NCAM2: variants seen among roughly 807,000 people sequenced by gnomAD.
NCAM2 encodes the protein N-CAM-2.
In NCAM2, 30 loss-of-function variants were observed where a neutral mutation model predicts 98.1. The observed-to-expected ratio is 0.31, with a 90% confidence interval of 0.23 to 0.41. NCAM2 has a LOEUF of 0.41. Among genes scored for constraint, NCAM2 ranks in the 10% least tolerant of loss-of-function variants. The probability of loss-of-function intolerance (pLI) is 1.00; values close to 1 mark genes in which losing one functional copy is unlikely to be tolerated. For synonymous variants in NCAM2, 368 were observed against 342.4 expected, an observed-to-expected ratio of 1.07 and a Z score of -0.83; for missense variants, 867 against 1,005.8, an observed-to-expected ratio of 0.86 and a Z score of 1.87.
At chr21:21,271,945 A>G (rs1023429048) in intron 1 of NCAM2, among the ~76,000 whole-genome samples, 1 of 152,170 alleles carries the variant, frequency 6.6e-6, no homozygotes, top group South Asian at 2.1e-4. Flanking sequence ...CCTCATGTAA[A>G]TGATGAGTTA....
chr21:21,515,282 G>A (rs1602539085), intron 16 of NCAM2, among the ~76,000 whole-genome samples: 1 of 152,066 alleles, frequency 6.6e-6, no homozygotes, highest in Admixed American at 6.6e-5. Flanking sequence ...GTCCAAAGAG[G>A]GCTATTCATG....
chr21:21,523,587 A>G (rs1989153878), intron 16 of NCAM2, among the ~76,000 whole-genome samples: 1 of 152,026 alleles, frequency 6.6e-6, no homozygotes, highest in South Asian at 2.1e-4. Flanking sequence ...ATTGTATTAT[A>G]TTATGTGTAT....
chr21:21,287,582 A>G (rs2073146295), intron 4 of NCAM2, among the ~76,000 whole-genome samples: 2 of 151,954 alleles, frequency 1.3e-5, no homozygotes, highest in South Asian at 4.1e-4. Flanking sequence ...GACAATGTCT[A>G]AATATTTTCA....
chr21:21,535,200 T>C (rs1047941791), intron 17 of NCAM2, among the ~76,000 whole-genome samples: 8 of 152,104 alleles, frequency 5.3e-5, no homozygotes. Flanking sequence ...AATAGCTCTG[T>C]TAAAACTATA....
chr21:21,376,659 C>G (rs188876201), intron 9 of NCAM2, among the ~76,000 whole-genome samples: 2 of 151,554 alleles, frequency 1.3e-5, no homozygotes, highest in Non-Finnish European at 3.0e-5. Flanking sequence ...AACTTTAATA[C>G]GAAAAAAGTA....
intron 9 of NCAM2, among the ~76,000 whole-genome samples, chr21:21,380,785 T>C (rs550164633): frequency 1.3e-5 from 2 of 152,322 alleles, no homozygotes; most frequent in African/African-American, 4.8e-5. Flanking sequence ...TTTACCTTGG[T>C]CGCAGCTGGT....
At chr21:21,199,872 C>T (rs2069143958) in intron 1 of NCAM2, among the ~76,000 whole-genome samples, 1 of 151,820 alleles carries the variant, frequency 6.6e-6, no homozygotes, top group Non-Finnish European at 1.5e-5. Flanking sequence ...AATGGTTCAC[C>T]ATTAGAGGCT....
intron 1 of NCAM2, among the ~76,000 whole-genome samples, chr21:21,147,724 AATAT>A (rs2067324777): frequency 6.7e-6 from 1 of 148,546 alleles, no homozygotes; most frequent in Non-Finnish European, 1.5e-5. Flanking sequence ...TACTATATAT[AATAT>A]ATAGTAATAT....
Position 21,459,094 on chromosome 21 carries a change from A to G in NCAM2, c.1655-7512A>G, listed in dbSNP as rs117363928. On this transcript the variant is annotated intron_variant, in intron 12 of 17. Coordinates refer to ENST00000400546, the MANE Select transcript of NCAM2 (RefSeq NM_004540.5). ...TACACATGGCCAATAGGTATATGAA[A>G]CGGTGCTCAGTATCACTAATCATCA... is the stretch of plus-strand genomic sequence containing the variant. Among the ~76,000 whole-genome samples, 38 of 152,304 alleles carry G rather than the reference A, an allele frequency of 2.5e-4. No individual in the cohort carries two copies. The East Asian group carries it at 7.1e-3, about 29-fold the overall frequency.
intron 15 of NCAM2, among the ~76,000 whole-genome samples, chr21:21,490,520 A>G (rs1231578148): frequency 6.6e-6 from 1 of 151,954 alleles, no homozygotes; most frequent in Non-Finnish European, 1.5e-5. Context: ...CACACTGTAA[A>G]GAATGCATAA....
intron 10 of NCAM2, among the ~76,000 whole-genome samples, chr21:21,414,949 CTTT>C (rs34233053): frequency 1.4e-5 from 2 of 147,060 alleles, no homozygotes; most frequent in Non-Finnish European, 1.5e-5. Context: ...TGAAGGGAAT[CTTT>C]TTTTTTTTTT....
chr21:21,343,717 C>T (rs563049108), intron 8 of NCAM2, among the ~76,000 whole-genome samples: 7 of 152,130 alleles, frequency 4.6e-5, no homozygotes, highest in Non-Finnish European at 7.4e-5. Context: ...CCGATTCCAG[C>T]GGTACAAACT....
At chr21:21,429,929 C>T (rs111577921) in intron 11 of NCAM2, among the ~76,000 whole-genome samples, 1 of 152,202 alleles carries the variant, frequency 6.6e-6, no homozygotes, top group African/African-American at 2.4e-5. Context: ...TTGCTCAGTA[C>T]TATTTATAAG....
At chr21:21,412,170 TAG>T (rs1436317038) in intron 10 of NCAM2, among the ~76,000 whole-genome samples, 25 of 152,212 alleles carry the variant, frequency 1.6e-4, no homozygotes, top group African/African-American at 5.8e-4. Context: ...TTGCTTTCTA[TAG>T]AGGACTCTTC....
chr21:21,390,431 G>A (rs1358706160), intron 9 of NCAM2, among the ~76,000 whole-genome samples: 1 of 152,064 alleles, frequency 6.6e-6, no homozygotes, highest in Admixed American at 6.5e-5. Context: ...TATTTTAAGT[G>A]AATGACCTTT....
At chr21:21,153,655 A>G (rs1166440625) in intron 1 of NCAM2, among the ~76,000 whole-genome samples, 1 of 151,762 alleles carries the variant, frequency 6.6e-6, no homozygotes, top group Admixed American at 6.6e-5. Context: ...GGTGGGGGGT[A>G]CCGTGCGAAC....
chr21:21,307,376 A>G (rs141895279), intron 5 of NCAM2, among the ~76,000 whole-genome samples: 113 of 152,250 alleles, frequency 7.4e-4, no homozygotes, highest in African/African-American at 2.6e-3. Context: ...TGCTAAGTTT[A>G]TCAGATATTT....
intron 1 of NCAM2, among the ~76,000 whole-genome samples, chr21:21,127,891 C>T (rs1383463678): frequency 1.3e-5 from 2 of 152,096 alleles, no homozygotes; most frequent in Non-Finnish European, 2.9e-5. Context: ...TTTAAATATA[C>T]GTTTAGCTTC....
chr21:21,135,515 T>C (rs1472684809), intron 1 of NCAM2, among the ~76,000 whole-genome samples: 1 of 152,212 alleles, frequency 6.6e-6, no homozygotes, highest in Non-Finnish European at 1.5e-5. Flanking sequence ...GTGACAGTCT[T>C]AGCATTTATT....
Sources: allele counts gnomAD v4.1 joint callset (sites outside exome capture counted in the v4.1 genomes callset), GRCh38; gene constraint gnomAD v4.1.1; transcripts MANE v1.5; gene names NCBI Gene and HGNC (gene_info 2026-07-23, HGNC 2026-07-21).